GFPT1: variants seen among roughly 807,000 people sequenced by gnomAD.
GFPT1 encodes the protein glutamine--fructose-6-phosphate transaminase 1.
In GFPT1, 40 loss-of-function variants were observed where a neutral mutation model predicts 92.0. The ratio of observed to expected loss-of-function variants is 0.43; its 90% confidence interval spans 0.34 to 0.57. GFPT1 has a LOEUF of 0.57. GFPT1 is among the 20% of genes least tolerant of loss of function. The pLI is 0.02. For missense variants in GFPT1, 448 were observed against 869.1 expected (o/e 0.52, Z 6.09); for synonymous variants, 269 against 280.6 (o/e 0.96, Z 0.41).
chr2:69,348,913 C>T (rs558312682), intron 10 of GFPT1, among the ~76,000 whole-genome samples: 6 of 152,266 alleles, frequency 3.9e-5, no homozygotes, highest in South Asian at 2.1e-4. Flanking sequence ...TCATCTCCCC[C>T]CAAGCTTCCT....
chr2:69,383,938 A>ATT (rs1425749332), intron 1 of GFPT1, among the ~76,000 whole-genome samples: 1 of 152,188 alleles, frequency 6.6e-6, no homozygotes, highest in Non-Finnish European at 1.5e-5. Context: ...CCAAAATTCC[A>ATT]TTTTATATAC....
At chr2:69,373,863 T>C in intron 2 of GFPT1, 143 bp downstream of exon 2, 1 of 526,162 alleles carries the variant, frequency 1.9e-6, no homozygotes, top group Non-Finnish European at 3.5e-6. Context: ...ATAAATCCTT[T>C]AAATATGATA....
At chr2:69,356,884 C>T (rs958547557) in intron 6 of GFPT1, among the ~76,000 whole-genome samples, 5 of 151,958 alleles carry the variant, frequency 3.3e-5, no homozygotes, top group Admixed American at 1.3e-4. Context: ...ATTACAGGCA[C>T]GCACCCCCAC....
At chr2:69,372,308 G>A (rs1671770832) in intron 2 of GFPT1, among the ~76,000 whole-genome samples, 2 of 151,828 alleles carry the variant, frequency 1.3e-5, no homozygotes, top group African/African-American at 4.8e-5. Context: ...AGTGGCTCAC[G>A]CCTATAATCC....
chr2:69,327,042 T>C lies in GFPT1; in HGVS notation c.1927A>G (p.Thr643Ala), dbSNP rs772026265. 6.2e-6 allele frequency: 10 copies of C among 1,614,126 alleles called. No individual in the cohort carries two copies. The highest frequency in any genetic ancestry group is 7.6e-6 in the Non-Finnish European group (9 of 1,180,006). Residue 643 changes from threonine to alanine, a missense_variant, in exon 19 of 20, where the codon ACT becomes GCT. Thr to Ala is a moderately conservative substitution (Grantham distance 58). Transcript: ENST00000357308. ...CTTTTTGTGTTCTTAATGGTCTCAG[T>C]ATCCTCCTTATCACAAATTACCACA... is the stretch of plus-strand genomic sequence containing the variant. ...RPVVICDKED[T>A]ETIKNTKRTI...
chr2:69,331,500 A>G (rs539423576), intron 15 of GFPT1, among the ~76,000 whole-genome samples: 2 of 152,308 alleles, frequency 1.3e-5, no homozygotes, highest in South Asian at 4.1e-4. Context: ...TGTACCATTA[A>G]TGTAATACCT....
At chr2:69,328,700 C>CTTTTTTTTTTTTTTTTTTTTTTT (rs780340372) in intron 17 of GFPT1, among the ~76,000 whole-genome samples, 2 of 99,928 alleles carry the variant, frequency 2.0e-5, no homozygotes, top group Non-Finnish European at 3.8e-5. Flanking sequence ...TCTGGTTAAC[C>CTTTTTTTTTTTTTTTTTTTTTTT]CTTTTTTTTT....
intron 1 of GFPT1, 63 bp downstream of exon 1, chr2:69,387,002 G>A (rs1672144261): frequency 3.1e-6 from 4 of 1,306,596 alleles, no homozygotes; most frequent in Non-Finnish European, 4.3e-6. Flanking sequence ...TTGGGCCTTA[G>A]CGGCACCCGC....
chr2:69,347,526 G>A (rs7599338), intron 11 of GFPT1, among the ~76,000 whole-genome samples: 19,267 of 148,422 alleles, frequency 0.13, 1,392 homozygotes, highest in Non-Finnish European at 0.16. Flanking sequence ...TGCCAAGGCT[G>A]GAGTGCAATG....
At chr2:69,351,868 G>C (rs1364781506) in intron 9 of GFPT1, among the ~76,000 whole-genome samples, 1 of 152,198 alleles carries the variant, frequency 6.6e-6, no homozygotes. Context: ...CTTATTGAGT[G>C]ATGAAATTGT....
At chr2:69,332,399 G>A (rs1381446714) in intron 15 of GFPT1, among the ~76,000 whole-genome samples, 1 of 149,392 alleles carries the variant, frequency 6.7e-6, no homozygotes, top group Admixed American at 6.7e-5. Context: ...TGCAACCTCA[G>A]CCTCCTGGGT....
At position 69,354,553 on chromosome 2, in the gene GFPT1, C is replaced by T; in HGVS notation, c.621G>A (p.Leu207=). 6.2e-7 allele frequency: 1 copy of T among 1,608,156 alleles called. No homozygotes were observed. The highest frequency in any genetic ancestry group is 8.5e-7 in the Non-Finnish European group (1 of 1,174,576). The change falls in exon 8 of 20, where the codon CTG becomes CTA. Residue 207 remains leucine, a synonymous_variant. Coordinates refer to ENST00000357308, the MANE Select transcript of GFPT1 (RefSeq NM_001244710.2). ...TATGTTCACTCCGTACACCAATCAACAGAGGGCTACCTCGCCTGTAAATTG... is the reference window on the plus strand; with the variant it reads ...TATGTTCACTCCGTACACCAATCAATAGAGGGCTACCTCGCCTGTAAATTG... ...QAVGTRRGSP[L]LIGVRSEHKL... is the part of the protein sequence containing the mutation.
At chr2:69,333,402 C>T (rs1670719326) in intron 15 of GFPT1, among the ~76,000 whole-genome samples, 1 of 152,170 alleles carries the variant, frequency 6.6e-6, no homozygotes, top group African/African-American at 2.4e-5. Context: ...TTTTCCATTG[C>T]ATTGCTATTA....
At position 69,324,834 on chromosome 2, in the gene GFPT1, A is replaced by G. The variant is rs1670492928; in HGVS notation, c.*1355T>C. 2 of 152,216 alleles carry G rather than the reference A, an allele frequency of 1.3e-5. No homozygotes were observed. The highest frequency in any genetic ancestry group is 2.4e-5 in the African/African-American group (1 of 41,470). 9.4% of individuals were successfully genotyped at this position (152,216 alleles called of 1,614,324 possible). A position where few individuals can be genotyped will look rare whatever the true frequency, so the allele number is the denominator to read the frequency against. On this transcript the variant is annotated 3_prime_UTR_variant, in exon 20 of 20. Transcript: ENST00000357308. The stretch of plus-strand genomic sequence containing the variant: ...CTGAAGATCTGGCCAGAAAAGCTCC[A>G]TTAAGAAATTATTACTCACAATTTT...
At chr2:69,341,463 A>G (rs1403685930) in intron 13 of GFPT1, among the ~76,000 whole-genome samples, 2 of 152,206 alleles carry the variant, frequency 1.3e-5, no homozygotes, top group African/African-American at 2.4e-5. Flanking sequence ...CAGCAAATAA[A>G]TAAGTTATGT....
chr2:69,330,174 C>G (rs1314442153), intron 15 of GFPT1, among the ~76,000 whole-genome samples: 1 of 152,144 alleles, frequency 6.6e-6, no homozygotes, highest in Non-Finnish European at 1.5e-5. Flanking sequence ...CACAGCACTG[C>G]AGCCTGGGAC....
intron 17 of GFPT1, 82 bp downstream of exon 17, chr2:69,329,215 C>A (rs1221904445): frequency 4.4e-6 from 6 of 1,360,616 alleles, no homozygotes; most frequent in South Asian, 1.2e-5. Context: ...CTACCTATTT[C>A]ATTCATTTAA....
chr2:69,342,224 G>A lies in GFPT1; in HGVS notation c.1131C>T (p.His377=). ...YTVNLGGLKD[H]IKEIQRCRRL... Reference sequence around the variant, plus strand: ...GCCGGCATCTCTGGATCTCCTTTATGTGATCCTTCAAACCACCCAAATTCA... The same window carrying A: ...GCCGGCATCTCTGGATCTCCTTTATATGATCCTTCAAACCACCCAAATTCA... Residue 377 remains histidine (H), a synonymous_variant, in exon 13 of 20, where the codon CAC becomes CAT. Coordinates refer to ENST00000357308, the MANE Select transcript of GFPT1 (RefSeq NM_001244710.2). 1 of 1,609,034 alleles carries A rather than the reference G, an allele frequency of 6.2e-7. No homozygotes were observed. The highest frequency in any genetic ancestry group is 8.5e-7 in the Non-Finnish European group (1 of 1,175,448).
intron 10 of GFPT1, 106 bp downstream of exon 10, chr2:69,349,972 G>T: frequency 2.5e-6 from 2 of 791,384 alleles, no homozygotes; most frequent in Non-Finnish European, 4.3e-6. Context: ...AATTTAAAAA[G>T]TTATCTCACA....
Sources: allele counts gnomAD v4.1 joint callset (sites outside exome capture counted in the v4.1 genomes callset), GRCh38; gene constraint gnomAD v4.1.1; transcripts MANE v1.5; gene names NCBI Gene and HGNC (gene_info 2026-07-23, HGNC 2026-07-21).